GRM8: variants seen among roughly 807,000 people sequenced by gnomAD.
GRM8 encodes glutamate metabotropic receptor 8.
A neutral mutation model predicts 87.2 loss-of-function variants in GRM8; 47 were observed. The ratio of observed to expected loss-of-function variants is 0.54; its 90% CI spans 0.43 to 0.69. GRM8 has a LOEUF of 0.69. Among genes scored for constraint, GRM8 ranks in the 30% least tolerant of loss-of-function variants. The pLI is 0.00. For synonymous variants in GRM8, 396 were observed against 404.5 expected, an observed-to-expected ratio of 0.98 and a Z score of 0.25; for missense variants, 1,019 against 1,139.2, an observed-to-expected ratio of 0.89 and a Z score of 1.52.
chr7:126,594,139 G>A (rs1381712577), intron 8 of GRM8, among the ~76,000 whole-genome samples: 7 of 151,964 alleles, frequency 4.6e-5, no homozygotes, highest in African/African-American at 1.7e-4. Flanking sequence ...GCTGTTGGTG[G>A]GAATGTAAAT....
intron 2 of GRM8, among the ~76,000 whole-genome samples, chr7:127,112,912 A>G (rs17864960): frequency 0.1 from 15,392 of 152,258 alleles, 2,626 homozygotes; most frequent in African/African-American, 0.35. Flanking sequence ...AAAGGTCAAC[A>G]TCATAGATTA....
At chr7:126,467,937 T>C (rs143138312) in intron 9 of GRM8, among the ~76,000 whole-genome samples, 156 of 152,202 alleles carry the variant, frequency 1.0e-3, no homozygotes, top group African/African-American at 3.6e-3. Context: ...TGGAAAAATT[T>C]TTTAAATCAT....
chr7:126,715,047 A>G (rs1048623373), intron 7 of GRM8, among the ~76,000 whole-genome samples: 1 of 152,228 alleles, frequency 6.6e-6, no homozygotes, highest in African/African-American at 2.4e-5. Flanking sequence ...AAGCAAGCCA[A>G]CTTTTTCCTG....
chr7:127,234,068 G>A (rs1264048437), intron 2 of GRM8, among the ~76,000 whole-genome samples: 1 of 152,196 alleles, frequency 6.6e-6, no homozygotes, highest in Non-Finnish European at 1.5e-5. Flanking sequence ...CTGTGGGGAA[G>A]CAAGGGCCTC....
At chr7:126,799,153 T>C (rs938545580) in intron 6 of GRM8, among the ~76,000 whole-genome samples, 4 of 152,052 alleles carry the variant, frequency 2.6e-5, no homozygotes, top group African/African-American at 9.7e-5. Context: ...ATCAACATCA[T>C]CTGGGAAAAG....
chr7:126,684,707 G>C (rs1303919992), intron 7 of GRM8, among the ~76,000 whole-genome samples: 1 of 152,204 alleles, frequency 6.6e-6, no homozygotes, highest in Non-Finnish European at 1.5e-5. Flanking sequence ...AGATTCTAGG[G>C]ATTATCTGGG....
At chr7:126,903,621 ATATATG>A (rs1802336266) in intron 5 of GRM8, among the ~76,000 whole-genome samples, 1 of 139,284 alleles carries the variant, frequency 7.2e-6, no homozygotes, top group Admixed American at 7.4e-5. Context: ...ATATACATAT[ATATATG>A]TATATGTGTA....
intron 7 of GRM8, among the ~76,000 whole-genome samples, chr7:126,719,500 T>A (rs185948215): frequency 9.1e-4 from 138 of 152,334 alleles, no homozygotes; most frequent in Non-Finnish European, 1.7e-3. Context: ...AACTAGGTTG[T>A]AAATGATTTT....
rs778849282 is a variant in GRM8 at position 127,015,176 on chromosome 7, GAGAAGAAGAAGAAGAAGAAGAAGAAGA to G, written c.727+91293_727+91319del. ...GAAGAAGGAGAAGGAGAAGGAGAAG[GAGAAGAAGAAGAAGAAGAAGAAGAAGA>G]AGAAGAAGAAGAAGAAGAAGAAGAA... On this transcript the variant is annotated intron_variant, in intron 3 of 10. Coordinates refer to ENST00000339582, the MANE Select transcript of GRM8 (RefSeq NM_000845.3). Among the ~76,000 whole-genome samples, 393 of 86,976 alleles carry G rather than the reference GAGAAGAAGAAGAAGAAGAAGAAGAAGA, an allele frequency of 4.5e-3. 8 individuals are homozygous for G. In the East Asian group the frequency reaches 0.052, roughly 12 times the overall value. The allele number at this position is 86,976 out of a possible 152,430, so 57.1% of individuals were successfully genotyped here. A position where few individuals can be genotyped will look rare whatever the true frequency, so the allele number is the denominator to read the frequency against.
At chr7:126,867,012 T>A (rs1401685134) in intron 6 of GRM8, among the ~76,000 whole-genome samples, 1 of 152,192 alleles carries the variant, frequency 6.6e-6, no homozygotes, top group Non-Finnish European at 1.5e-5. Context: ...GTATTATGCA[T>A]AATTGGTATC....
chr7:126,496,086 C>G (rs1425648987), intron 9 of GRM8, among the ~76,000 whole-genome samples: 1 of 151,900 alleles, frequency 6.6e-6, no homozygotes, highest in African/African-American at 2.4e-5. Flanking sequence ...GTAAATAGGA[C>G]TCTGACTCTC....
chr7:126,956,563 C>T (rs895226505), intron 3 of GRM8, among the ~76,000 whole-genome samples: 7 of 152,130 alleles, frequency 4.6e-5, no homozygotes, highest in Admixed American at 3.9e-4. Context: ...TATACATGTG[C>T]CATGTTGGTG....
At chr7:126,914,223 C>T (rs1255090783) in intron 3 of GRM8, among the ~76,000 whole-genome samples, 2 of 152,068 alleles carry the variant, frequency 1.3e-5, no homozygotes, top group Non-Finnish European at 2.9e-5. Context: ...CACTATGAGA[C>T]ATCATCACAC....
chr7:126,573,485 C>A (rs905107318), intron 8 of GRM8, among the ~76,000 whole-genome samples: 2 of 151,982 alleles, frequency 1.3e-5, no homozygotes, highest in African/African-American at 4.8e-5. Flanking sequence ...GAAGAAAAAT[C>A]AGAATCTCAA....
rs565775287 is a variant in GRM8 at position 126,755,536 on chromosome 7, T to G, written c.1357+14329A>C. ...AAGAACACTGCAGTTTTCTCAAATG[T>G]CTCTTTAGCACTCTAGAATTTATTG... On this transcript the variant is annotated intron_variant, in intron 7 of 10. Coordinates refer to ENST00000339582, the MANE Select transcript of GRM8 (RefSeq NM_000845.3). Among the ~76,000 whole-genome samples the G allele has an allele frequency of 7.2e-4, 109 of 152,076 alleles. 2 individuals carry two copies. In the South Asian group the frequency reaches 0.013, roughly 19 times the overall value.
chr7:126,726,582 C>G lies in GRM8; in HGVS notation c.1357+43283G>C, dbSNP rs549359098. ...CCAGAACAGGGCTGGGGCCCTGGTCCTATTGCCATTATCTTCCCCAAAATC... is the reference window on the plus strand; with the variant it reads ...CCAGAACAGGGCTGGGGCCCTGGTCGTATTGCCATTATCTTCCCCAAAATC... On this transcript the variant is annotated intron_variant, in intron 7 of 10. Coordinates refer to ENST00000339582, the MANE Select transcript of GRM8 (RefSeq NM_000845.3). 3.9e-5 allele frequency among the ~76,000 whole-genome samples: 6 copies of G among 152,280 alleles called. No homozygotes were observed. The South Asian group carries it at 1.0e-3, about 26-fold the overall frequency.
At chr7:126,949,974 G>T (rs1237444798) in intron 3 of GRM8, among the ~76,000 whole-genome samples, 1 of 152,140 alleles carries the variant, frequency 6.6e-6, no homozygotes, top group African/African-American at 2.4e-5. Flanking sequence ...CAAAGACGTG[G>T]GTTTGAAGTT....
chr7:126,693,064 C>G (rs1408364006), intron 7 of GRM8, among the ~76,000 whole-genome samples: 2 of 152,178 alleles, frequency 1.3e-5, no homozygotes, highest in East Asian at 3.8e-4. Flanking sequence ...GAATAACAAA[C>G]TAATCGCCTC....
chr7:126,453,974 AC>A (rs1456865942), intron 9 of GRM8, among the ~76,000 whole-genome samples: 7 of 151,640 alleles, frequency 4.6e-5, no homozygotes, highest in Admixed American at 3.3e-4. Context: ...TTCCATGGTA[AC>A]TTTTGGCCCT....
Sources: allele counts gnomAD v4.1 joint callset (sites outside exome capture counted in the v4.1 genomes callset), GRCh38; gene constraint gnomAD v4.1.1; transcripts MANE v1.5; gene names NCBI Gene and HGNC (gene_info 2026-07-23, HGNC 2026-07-21).